The following DAGLA variants were observed in gnomAD, a reference collection of about 807,000 sequenced individuals.
DAGLA encodes diacylglycerol lipase-alpha.
In DAGLA, 22 loss-of-function variants were observed where a neutral mutation model predicts 102.6. The observed-to-expected ratio is 0.21, with a 90% CI of 0.15 to 0.31. DAGLA has a LOEUF of 0.31. DAGLA is among the 10% of genes least tolerant of loss of function. The pLI, the probability that DAGLA is intolerant of heterozygous loss-of-function variation, is 1.00. For synonymous variants in DAGLA, 578 were observed against 628.9 expected (o/e 0.92, Z 1.21); for missense variants, 927 against 1,446.6 (o/e 0.64, Z 5.83).
intron 10 of DAGLA, 125 bp downstream of exon 10, chr11:61,735,127 A>C: frequency 8.7e-7 from 1 of 1,150,246 alleles, no homozygotes; most frequent in South Asian, 1.4e-5. Context: ...TGCAGCTTCC[A>C]GGCATCCCTA....
intron 9 of DAGLA, among the ~76,000 whole-genome samples, chr11:61,732,877 T>C (rs562425880): frequency 6.6e-6 from 1 of 152,230 alleles, no homozygotes; most frequent in Admixed American, 6.5e-5. Flanking sequence ...TCTCAGCCCA[T>C]GCAGAGCACA....
At chr11:61,736,392 TC>T (rs750569986) in intron 13 of DAGLA, 42 bp downstream of exon 13, 26 of 1,498,888 alleles carry the variant, frequency 1.7e-5, no homozygotes, top group Non-Finnish European at 2.0e-5. Flanking sequence ...CACACCTGGG[TC>T]CCCCTCCTCC....
intron 9 of DAGLA, 109 bp downstream of exon 9, chr11:61,731,550 C>A: frequency 1.4e-6 from 2 of 1,424,228 alleles, no homozygotes; most frequent in Non-Finnish European, 1.9e-6. Context: ...GGCTTCTTTT[C>A]TACACCTTCT....
intron 1 of DAGLA, among the ~76,000 whole-genome samples, chr11:61,713,263 G>C (rs1392897899): frequency 1.3e-5 from 2 of 152,218 alleles, no homozygotes; most frequent in Non-Finnish European, 2.9e-5. Flanking sequence ...CTGCTTCTCA[G>C]AAACAGCATG....
Position 61,734,995 on chromosome 11 carries a change from A to G in DAGLA, c.1121A>G (p.His374Arg). The G allele has an allele frequency of 6.2e-7, 1 of 1,613,398 alleles. No homozygotes were observed. Among genetic ancestry groups the G allele is most frequent in the Non-Finnish European group, 8.5e-7 (1 of 1,179,528 alleles). Residue 374 changes from histidine to arginine, a missense_variant, in exon 10 of 20, where the codon CAT becomes CGT. Physicochemically the swap from His to Arg is conservative, Grantham distance 29. This residue lies in a region of DAGLA where 218 missense variants were observed against 459.6 expected (regional missense o/e 0.47). Coordinates refer to ENST00000257215, the MANE Select transcript of DAGLA (RefSeq NM_006133.3). This position sits in a 1 kb window ranked among gnomAD's most constrained non-coding sequence, Gnocchi z 4.2. ...GTGGACATCGTCTATACCTCCTGCC[A>G]TGATGCGGTGAGGCCGGGCAGGGCT... is the stretch of plus-strand genomic sequence containing the variant. ...TAVDIVYTSC[H>R]DAVYETPFYV...
intron 1 of DAGLA, among the ~76,000 whole-genome samples, chr11:61,702,277 C>T (rs1191144243): frequency 6.6e-6 from 1 of 152,070 alleles, no homozygotes; most frequent in South Asian, 2.1e-4. Context: ...TGTTAGGTTT[C>T]GAACTTAGTT....
chr11:61,712,595 C>T (rs1198718972), intron 1 of DAGLA, among the ~76,000 whole-genome samples: 1 of 152,204 alleles, frequency 6.6e-6, no homozygotes, highest in Non-Finnish European at 1.5e-5. Flanking sequence ...TCTGCTCTAG[C>T]GCAGCTGATG....
chr11:61,697,561 G>A (rs1329374200), intron 1 of DAGLA, among the ~76,000 whole-genome samples: 1 of 152,184 alleles, frequency 6.6e-6, no homozygotes, highest in Non-Finnish European at 1.5e-5. Context: ...TGCTGACCTC[G>A]ATGTGGCCTG....
At chr11:61,737,618 GC>G (rs1179759738) in intron 14 of DAGLA, 68 bp from the exon 15 acceptor site, 7 of 1,438,386 alleles carry the variant, frequency 4.9e-6, no homozygotes, top group South Asian at 2.3e-5. Context: ...TTGTGGCTGG[GC>G]CCCCCGATTC....
chr11:61,708,149 A>C (rs2065165081), intron 1 of DAGLA, among the ~76,000 whole-genome samples: 1 of 152,106 alleles, frequency 6.6e-6, no homozygotes, highest in Admixed American at 6.6e-5. Context: ...CTAGGACTAC[A>C]GGTGCCCCCC....
Position 61,744,839 on chromosome 11 carries a change from C to G in DAGLA, c.*350C>G, listed in dbSNP as rs554666526. 6.0e-4 allele frequency: 142 copies of G among 236,826 alleles called. No homozygotes were observed. The highest frequency in any genetic ancestry group is 4.7e-4 in the Non-Finnish European group (57 of 121,004). The allele number at this position is 236,826 out of a possible 1,614,324, so 14.7% of individuals were successfully genotyped here. On this transcript the variant is annotated 3_prime_UTR_variant, in exon 20 of 20. Transcript: ENST00000257215. ...AGGCCATGGGCAAGCTGCCTCCCAT[C>G]ACTGCCTGCTGGCTGCTCTCCCAGG...
chr11:61,736,402 C>G (rs2065423304), intron 13 of DAGLA, 52 bp downstream of exon 13: 2 of 1,429,464 alleles, frequency 1.4e-6, no homozygotes, highest in Non-Finnish European at 2.0e-6. Context: ...TCCCCCTCCT[C>G]CAACGCAGCA....
chr11:61,743,378 A>AG (rs1232828779), intron 19 of DAGLA, among the ~76,000 whole-genome samples, 154 bp from the exon 20 acceptor site: 2 of 152,008 alleles, frequency 1.3e-5, no homozygotes, highest in Non-Finnish European at 2.9e-5. Flanking sequence ...AAAAAAAAAA[A>AG]AAAGAAAATA....
chr11:61,742,882 C>T (rs2135613701), intron 19 of DAGLA, among the ~76,000 whole-genome samples: 1 of 148,824 alleles, frequency 6.7e-6, no homozygotes, highest in South Asian at 2.2e-4. Context: ...TGATCTGGGG[C>T]AGCCAGTCTA....
Position 61,735,786 on chromosome 11 carries a change from G to A in DAGLA, c.1260G>A (p.Glu420=). ...GTGATGCTGAGCGCCTCCCCGTGGA[G>A]GGGCACCACGGCACCTGGCTGGGCC... The part of the protein sequence containing the change: ...LTGDAERLPV[E]GHHGTWLGHK... The change falls in exon 12 of 20, where the codon GAG becomes GAA. Residue 420 remains glutamate, a synonymous_variant. Transcript: ENST00000257215. 4 of 1,612,616 alleles carry A rather than the reference G, an allele frequency of 2.5e-6. No homozygotes were observed. The highest frequency in any genetic ancestry group is 3.4e-6 in the Non-Finnish European group (4 of 1,179,464).
chr11:61,738,358 G>T, intron 16 of DAGLA, 151 bp downstream of exon 16: 1 of 629,848 alleles, frequency 1.6e-6, no homozygotes, highest in Non-Finnish European at 2.8e-6. Context: ...CAGGAAGTCA[G>T]ACCCTCAGCA....
rs114869246 is a variant in DAGLA, at chr11:61,689,490, G to C, written c.-45+8986G>C. On this transcript the variant is annotated intron_variant, in intron 1 of 19. Transcript: ENST00000257215. Reference sequence around the variant, plus strand: ...CTTGTGCAAGTCACTTGACCTGTTTGAGCCTCAGTTTCCTCATCTTTTTTT... The same window carrying C: ...CTTGTGCAAGTCACTTGACCTGTTTCAGCCTCAGTTTCCTCATCTTTTTTT... Among the ~76,000 whole-genome samples the C allele has an allele frequency of 3.6e-3, 472 of 131,198 alleles. 2 individuals carry two copies. The highest frequency in any genetic ancestry group is 0.012 in the African/African-American group (439 of 37,842). 86.1% of individuals were successfully genotyped at this position (131,198 alleles called of 152,430 possible). A position where few individuals can be genotyped will look rare whatever the true frequency, so the allele number is the denominator to read the frequency against.
At chr11:61,702,097 G>C (rs533604329) in intron 1 of DAGLA, among the ~76,000 whole-genome samples, 30 of 152,026 alleles carry the variant, frequency 2.0e-4, no homozygotes, top group Admixed American at 1.8e-3. Context: ...AATTTTTTTT[G>C]TAAAAATGGG....
At chr11:61,741,726 C>T (rs983234102) in intron 19 of DAGLA, among the ~76,000 whole-genome samples, 1 of 152,128 alleles carries the variant, frequency 6.6e-6, no homozygotes, top group Middle Eastern at 3.4e-3. Context: ...ATTATCCTGC[C>T]TCAGCCTCCC....
Sources: allele counts gnomAD v4.1 joint callset (sites outside exome capture counted in the v4.1 genomes callset), GRCh38; gene constraint gnomAD v4.1.1; regional missense constraint gnomAD v4.1.1; non-coding constraint Gnocchi (gnomAD v3.1); transcripts MANE v1.5; gene names NCBI Gene and HGNC (gene_info 2026-07-23, HGNC 2026-07-21).